Variants in RCOR1 observed in about 807,000 individuals in gnomAD.
RCOR1 encodes REST corepressor.
RCOR1 carries 12 observed loss-of-function variants against 64.0 expected under a neutral mutation model. That is an observed-to-expected ratio of 0.19 (90% CI 0.12 to 0.30). The LOEUF is 0.30. Among genes scored for constraint, RCOR1 ranks in the 10% least tolerant of loss-of-function variants. RCOR1 has a pLI of 1.00. For synonymous variants in RCOR1, 279 were observed against 227.2 expected (o/e 1.23, Z -2.05); for missense variants, 502 against 621.2 (o/e 0.81, Z 2.04).
chr14:102,652,076 G>A (rs763247617), intron 2 of RCOR1, among the ~76,000 whole-genome samples: 7 of 152,174 alleles, frequency 4.6e-5, no homozygotes, highest in Non-Finnish European at 4.4e-5. Context: ...TATGAGCCTT[G>A]TAACTGGATT....
At chr14:102,651,693 G>A (rs1894594260) in intron 2 of RCOR1, among the ~76,000 whole-genome samples, 2 of 152,156 alleles carry the variant, frequency 1.3e-5, no homozygotes, top group African/African-American at 2.4e-5. Context: ...AAGCACACTT[G>A]CAAAATAAAT....
intron 2 of RCOR1, among the ~76,000 whole-genome samples, chr14:102,659,712 T>A (rs1030509049): frequency 1.3e-5 from 2 of 152,212 alleles, no homozygotes; most frequent in Non-Finnish European, 2.9e-5. Flanking sequence ...TGAAGTAGTG[T>A]CACATGGACA....
intron 2 of RCOR1, among the ~76,000 whole-genome samples, chr14:102,653,467 C>G (rs1894634845): frequency 6.6e-6 from 1 of 152,150 alleles, no homozygotes; most frequent in African/African-American, 2.4e-5. Flanking sequence ...GGATTACAGG[C>G]ATGAGCCACC....
Position 102,648,636 on chromosome 14 carries a change from A to G in RCOR1, c.362-33259A>G, listed in dbSNP as rs143820148. Among the ~76,000 whole-genome samples the G allele has an allele frequency of 9.3e-3, 1,423 of 152,318 alleles. 23 individuals are homozygous for G. The highest frequency in any genetic ancestry group is 0.032 in the African/African-American group (1,343 of 41,552). ...TATTTATTAGACATATTTATTGTCT[A>G]TATCTCTGCCTACACATATATATAA... On this transcript the variant is annotated intron_variant, in intron 2 of 11. Coordinates refer to ENST00000262241, the MANE Select transcript of RCOR1 (RefSeq NM_015156.4).
intron 2 of RCOR1, chr14:102,650,962 CAAT>C: frequency 5.0e-6 from 4 of 805,482 alleles, no homozygotes; most frequent in Non-Finnish European, 6.0e-6. Context: ...CTGTATTAGA[CAAT>C]GAGACTTAGA....
chr14:102,627,634 G>T (rs1894006991), intron 2 of RCOR1, among the ~76,000 whole-genome samples: 1 of 151,542 alleles, frequency 6.6e-6, no homozygotes, highest in South Asian at 2.1e-4. Context: ...TCCAGCCTGG[G>T]CGACAGAGTG....
intron 2 of RCOR1, among the ~76,000 whole-genome samples, chr14:102,653,963 CTTTCTTTCTTTCTTTCTTTCTTT>C (rs1894656642): frequency 2.3e-5 from 1 of 43,712 alleles, no homozygotes; most frequent in Non-Finnish European, 4.2e-5. Context: ...TTCTTTCTTT[CTTTCTTTCTTTCTTTCTTTCTTT>C]TTTTTTTTTT....
At chr14:102,601,198 AG>A (rs1595189127) in intron 2 of RCOR1, among the ~76,000 whole-genome samples, 2 of 151,826 alleles carry the variant, frequency 1.3e-5, no homozygotes, top group East Asian at 3.9e-4. Flanking sequence ...CAAAAAAAAA[AG>A]ACGGGGTTTC....
intron 2 of RCOR1, among the ~76,000 whole-genome samples, chr14:102,643,570 T>G (rs892985689): frequency 2.6e-5 from 4 of 152,184 alleles, no homozygotes; most frequent in Non-Finnish European, 4.4e-5. Flanking sequence ...ACCAGGTATC[T>G]TCAGAGGCCC....
At chr14:102,690,781 T>C (rs1480181853) in intron 3 of RCOR1, among the ~76,000 whole-genome samples, 2 of 152,184 alleles carry the variant, frequency 1.3e-5, no homozygotes, top group Non-Finnish European at 2.9e-5. Context: ...TCGTATTATC[T>C]ACTTTATGTC....
intron 2 of RCOR1, among the ~76,000 whole-genome samples, chr14:102,645,100 A>G (rs1404168668): frequency 6.6e-6 from 1 of 152,102 alleles, no homozygotes; most frequent in Non-Finnish European, 1.5e-5. Flanking sequence ...TTTGTAACCT[A>G]CTACATTAGA....
chr14:102,669,320 A>C (rs1017380183), intron 2 of RCOR1, among the ~76,000 whole-genome samples: 1 of 151,940 alleles, frequency 6.6e-6, no homozygotes, highest in Non-Finnish European at 1.5e-5. Context: ...AAAAAAAAAA[A>C]AAAGAGAAAA....
chr14:102,712,217 CTG>C (rs1262631226), intron 7 of RCOR1, among the ~76,000 whole-genome samples: 1 of 152,018 alleles, frequency 6.6e-6, no homozygotes, highest in Non-Finnish European at 1.5e-5. Context: ...GTCTCTCACT[CTG>C]TTGCCCAGGC....
chr14:102,592,688 G>A lies in RCOR1; in HGVS notation c.-199G>A. On this transcript the variant is annotated 5_prime_UTR_variant, in exon 1 of 12. Coordinates refer to ENST00000262241, the MANE Select transcript of RCOR1 (RefSeq NM_015156.4). ...GAGGGCGGCGATGAGAGCGAAAGTT[G>A]CGCTCGGCTCGTCGCTGGGGGCTTG... 8.2e-7 allele frequency: 1 copy of A among 1,221,684 alleles called. No homozygotes were observed. The highest frequency in any genetic ancestry group is 4.1e-5 in the South Asian group (1 of 24,194). The allele number at this position is 1,221,684 out of a possible 1,614,324, so 75.7% of individuals were successfully genotyped here.
At chr14:102,601,466 A>G (rs1350097007) in intron 2 of RCOR1, among the ~76,000 whole-genome samples, 1 of 152,238 alleles carries the variant, frequency 6.6e-6, no homozygotes, top group Non-Finnish European at 1.5e-5. Flanking sequence ...TTAGATGTGC[A>G]AGAGGTTCAT....
intron 2 of RCOR1, among the ~76,000 whole-genome samples, chr14:102,639,590 A>G (rs1443365044): frequency 2.0e-5 from 3 of 148,860 alleles, no homozygotes; most frequent in Admixed American, 6.7e-5. Flanking sequence ...CTGGAGTGCA[A>G]TGGCGTGATC....
chr14:102,725,068 A>G (rs1396660143), intron 11 of RCOR1, among the ~76,000 whole-genome samples: 2 of 152,168 alleles, frequency 1.3e-5, no homozygotes, highest in East Asian at 3.8e-4. Flanking sequence ...TGAAATTCAT[A>G]GTTATTTGAC....
At position 102,708,495 on chromosome 14, in the gene RCOR1, A is replaced by G; in HGVS notation, c.691A>G (p.Lys231Glu). The change falls in exon 6 of 12, where the codon AAA becomes GAA. Residue 231 changes from lysine to glutamate, a missense_variant. Physicochemically the swap from Lys to Glu is moderately conservative, Grantham distance 56. Transcript: ENST00000262241. The stretch of plus-strand genomic sequence containing the variant: ...AGATAAATCTATAGCAAGTCTGGTG[A>G]AATTTTACTATTCTTGGAAGAAGAC... ...LPDKSIASLVKFYYSWKKTRT... is the reference protein window; with the variant it reads ...LPDKSIASLVEFYYSWKKTRT... 1 of 1,603,214 alleles carries G rather than the reference A, an allele frequency of 6.2e-7. No homozygotes were observed. The highest frequency in any genetic ancestry group is 8.5e-7 in the Non-Finnish European group (1 of 1,170,426).
chr14:102,651,421 C>T (rs545949686), intron 2 of RCOR1, among the ~76,000 whole-genome samples: 2 of 151,946 alleles, frequency 1.3e-5, no homozygotes, highest in South Asian at 2.1e-4. Flanking sequence ...GGCGTGGTGG[C>T]GGGTGCCTGT....
Sources: gnomAD v4.1 joint callset for allele counts (sites outside exome capture counted in the v4.1 genomes callset) on GRCh38, gnomAD v4.1.1 for gene constraint, MANE v1.5 for transcripts, NCBI Gene and HGNC (gene_info 2026-07-23, HGNC 2026-07-21) for gene names.